CNOT6: variants seen among roughly 807,000 people sequenced by gnomAD.
CNOT6 encodes CCR4-NOT transcription complex subunit 6, also known as carbon catabolite repression 4 protein.
In CNOT6, 12 loss-of-function variants were observed where a neutral mutation model predicts 61.2. The observed-to-expected ratio is 0.20, with a 90% CI of 0.13 to 0.32. The LOEUF (loss-of-function observed/expected upper bound fraction) is 0.32. Ranked by LOEUF, CNOT6 falls within the 10% of genes least tolerant of loss-of-function variation. The probability of loss-of-function intolerance (pLI) is 1.00; values close to 1 mark genes in which losing one functional copy is unlikely to be tolerated. For synonymous variants in CNOT6, 225 were observed against 240.6 expected (o/e 0.94, Z 0.60); for missense variants, 405 against 663.9 (o/e 0.61, Z 4.28).
At chr5:180,506,101 G>T (rs1294975584) in intron 1 of CNOT6, among the ~76,000 whole-genome samples, 1 of 152,216 alleles carries the variant, frequency 6.6e-6, no homozygotes, top group African/African-American at 2.4e-5. Context: ...AGAATAGAAA[G>T]ACTAGCTTTG....
chr5:180,556,114 C>T (rs1335663070), intron 4 of CNOT6, among the ~76,000 whole-genome samples: 9 of 152,192 alleles, frequency 5.9e-5, no homozygotes, highest in Admixed American at 1.3e-4. Context: ...TATAGTTTCA[C>T]GTTATCGTAC....
chr5:180,567,572 A>G (rs1760527287), intron 8 of CNOT6, among the ~76,000 whole-genome samples: 1 of 152,256 alleles, frequency 6.6e-6, no homozygotes, highest in African/African-American at 2.4e-5. Context: ...TTTAAAAATT[A>G]CAAGGTAGAA....
At chr5:180,567,799 CT>C (rs775918989) in intron 8 of CNOT6, 49 bp from the exon 9 acceptor site, 39 of 1,612,710 alleles carry the variant, frequency 2.4e-5, no homozygotes, top group Non-Finnish European at 3.1e-5. Context: ...AAGCTAACCT[CT>C]TGGTATTCCC....
intron 2 of CNOT6, among the ~76,000 whole-genome samples, chr5:180,541,093 A>T (rs1454243660): frequency 6.6e-6 from 1 of 151,760 alleles, no homozygotes; most frequent in African/African-American, 2.4e-5. Context: ...TTGACAGTTC[A>T]TATGTTTCGG....
rs71591489 is a variant in CNOT6 at position 180,513,699 on chromosome 5, T to TTATTTTTA, written c.-2-15575_-2-15574insATTTTTAT. The stretch of plus-strand genomic sequence containing the variant: ...TTTATTTATTTATTTATTTATTTAT[T>TTATTTTTA]TTTATTTATTTATTTATTTTTGAGA... On this transcript the variant is annotated intron_variant, in intron 1 of 11. Coordinates refer to ENST00000261951, the MANE Select transcript of CNOT6 (RefSeq NM_001370472.1). Among the ~76,000 whole-genome samples the TTATTTTTA allele has an allele frequency of 5.0e-3, 704 of 140,038 alleles. 9 individuals carry two copies. The highest frequency in any genetic ancestry group is 0.017 in the African/African-American group (664 of 38,852). The allele number at this position is 140,038 out of a possible 152,430, so 91.9% of individuals were successfully genotyped here. A position where few individuals can be genotyped will look rare whatever the true frequency, so the allele number is the denominator to read the frequency against.
chr5:180,537,804 C>CTTTTTTTTTTT (rs11407875), intron 2 of CNOT6, among the ~76,000 whole-genome samples: 1 of 141,944 alleles, frequency 7.0e-6, no homozygotes. Flanking sequence ...CTTTCTCTCT[C>CTTTTTTTTTTT]TTTTTTTTTT....
chr5:180,567,543 A>G (rs1760526091), intron 8 of CNOT6, among the ~76,000 whole-genome samples: 2 of 152,258 alleles, frequency 1.3e-5, no homozygotes, highest in Admixed American at 1.3e-4. Flanking sequence ...TCTTAAACCC[A>G]TACTTTAGAA....
chr5:180,499,315 T>C (rs987275693), intron 1 of CNOT6, among the ~76,000 whole-genome samples: 6 of 152,368 alleles, frequency 3.9e-5, no homozygotes, highest in Middle Eastern at 6.8e-3. Context: ...TTAGGCAGGC[T>C]ATAGACCTTA....
intron 4 of CNOT6, among the ~76,000 whole-genome samples, chr5:180,564,285 A>G (rs915450937): frequency 2.0e-5 from 3 of 152,200 alleles, no homozygotes; most frequent in African/African-American, 7.2e-5. Flanking sequence ...GCCCATTAAC[A>G]TTATGTTTTG....
intron 1 of CNOT6, among the ~76,000 whole-genome samples, chr5:180,515,097 G>A (rs934654494): frequency 2.0e-5 from 3 of 152,038 alleles, no homozygotes; most frequent in Admixed American, 1.3e-4. Context: ...GGTTGTCTTT[G>A]ATAAAGAGAT....
chr5:180,573,805 C>T (rs933089747), intron 11 of CNOT6, among the ~76,000 whole-genome samples, 183 bp from the exon 12 acceptor site: 2 of 152,068 alleles, frequency 1.3e-5, no homozygotes, highest in African/African-American at 2.4e-5. Flanking sequence ...CTTCATTCTG[C>T]TAGATTTGAC....
chr5:180,514,529 A>G (rs1757546848), intron 1 of CNOT6, among the ~76,000 whole-genome samples: 2 of 152,250 alleles, frequency 1.3e-5, no homozygotes, highest in South Asian at 4.1e-4. Context: ...TTGTAATCCT[A>G]AAAGCATAAG....
chr5:180,564,888 T>A, intron 6 of CNOT6, 145 bp downstream of exon 6: 1 of 647,436 alleles, frequency 1.5e-6, no homozygotes, highest in Non-Finnish European at 2.7e-6. Context: ...AAAGAATTCT[T>A]GCTCACATGA....
At chr5:180,555,820 A>G (rs1759855786) in intron 4 of CNOT6, among the ~76,000 whole-genome samples, 1 of 152,254 alleles carries the variant, frequency 6.6e-6, no homozygotes. Context: ...TTGCAGAACC[A>G]AAGTATTTCT....
At chr5:180,526,183 G>C (rs1433335883) in intron 1 of CNOT6, among the ~76,000 whole-genome samples, 1 of 152,096 alleles carries the variant, frequency 6.6e-6, no homozygotes, top group Admixed American at 6.6e-5. Flanking sequence ...AGAAGGCAGA[G>C]AACATACACA....
chr5:180,513,724 A>G (rs1361096608), intron 1 of CNOT6, among the ~76,000 whole-genome samples: 2 of 136,802 alleles, frequency 1.5e-5, no homozygotes, highest in Admixed American at 7.5e-5. Flanking sequence ...TATTTTTGAG[A>G]TGGAGTCGTG....
intron 2 of CNOT6, among the ~76,000 whole-genome samples, chr5:180,536,431 A>T (rs921713832): frequency 6.6e-6 from 1 of 152,088 alleles, no homozygotes; most frequent in African/African-American, 2.4e-5. Context: ...TTTGCTGTGC[A>T]GAAACTTCTT....
At chr5:180,547,418 G>T (rs1759367398) in intron 2 of CNOT6, among the ~76,000 whole-genome samples, 1 of 152,008 alleles carries the variant, frequency 6.6e-6, no homozygotes, top group South Asian at 2.1e-4. Context: ...TACCCAGGAG[G>T]CTGAGGCAGG....
intron 1 of CNOT6, among the ~76,000 whole-genome samples, chr5:180,518,970 A>T (rs1183564446): frequency 6.6e-6 from 1 of 152,218 alleles, no homozygotes; most frequent in Non-Finnish European, 1.5e-5. Context: ...ACCTTGGCCT[A>T]CAAAGTTCTG....
Sources: gnomAD v4.1 joint callset for allele counts (sites outside exome capture counted in the v4.1 genomes callset) on GRCh38, gnomAD v4.1.1 for gene constraint, MANE v1.5 for transcripts, NCBI Gene and HGNC (gene_info 2026-07-23, HGNC 2026-07-21) for gene names.